The following TSPAN15 variants were observed in gnomAD, a reference collection of about 807,000 sequenced individuals.
TSPAN15 encodes the protein tetraspanin 15, also known as tetraspanin-15.
Under a neutral mutation model 34.5 loss-of-function variants are expected in TSPAN15, and 20 were observed. The observed-to-expected ratio is 0.58, with a 90% CI of 0.41 to 0.84. The LOEUF (loss-of-function observed/expected upper bound fraction) is 0.84, where lower values mean the gene tolerates loss of function less well. TSPAN15 is among the 40% of genes least tolerant of loss of function. The pLI is 0.00. For missense variants in TSPAN15, 313 were observed against 386.1 expected (o/e 0.81, Z 1.59); for synonymous variants, 155 against 153.9 (o/e 1.01, Z -0.05).
intron 1 of TSPAN15, among the ~76,000 whole-genome samples, chr10:69,470,578 C>G (rs12784882): frequency 0.17 from 25,312 of 152,144 alleles, 2,630 homozygotes; most frequent in Non-Finnish European, 0.23. Context: ...ATCTCCCAGT[C>G]TCTTGGCATA....
the TSPAN15 span, among the ~76,000 whole-genome samples, chr10:69,546,361 C>T: frequency 6.6e-6 from 1 of 152,210 alleles, no homozygotes; most frequent in Non-Finnish European, 1.5e-5. Context: ...TTGGCCTTCT[C>T]ATCTGTAACC....
Position 69,507,165 on chromosome 10 carries a change from C to G in TSPAN15, c.*187C>G. 7.0e-7 allele frequency: 1 copy of G among 1,429,898 alleles called. No homozygotes were observed. Among genetic ancestry groups the G allele is most frequent in the Non-Finnish European group, 9.1e-7 (1 of 1,098,870 alleles). 88.6% of individuals were successfully genotyped at this position (1,429,898 alleles called of 1,614,324 possible). Reference sequence around the variant, plus strand: ...CCCAGGGAGCAGAGCCTGGGCCTCCCCTAAGAGGCTTTCCCCGAGGCAGCT... The same window carrying G: ...CCCAGGGAGCAGAGCCTGGGCCTCCGCTAAGAGGCTTTCCCCGAGGCAGCT... On this transcript the variant is annotated 3_prime_UTR_variant, in exon 8 of 8. Transcript: ENST00000373290.
chr10:69,505,932 A>T (rs1842315692), intron 6 of TSPAN15, 192 bp from the exon 7 acceptor site: 4 of 480,558 alleles, frequency 8.3e-6, no homozygotes, highest in Admixed American at 3.4e-5. Flanking sequence ...CGGTGTCCCC[A>T]GTCCTCTCTA....
chr10:69,459,032 G>T (rs1841179512), intron 1 of TSPAN15, among the ~76,000 whole-genome samples: 1 of 149,684 alleles, frequency 6.7e-6, no homozygotes, highest in Non-Finnish European at 1.5e-5. Context: ...GTACCAACTG[G>T]CTCCACACAG....
At chr10:69,523,500 TA>T in the TSPAN15 span, 1 of 503,064 alleles carries the variant, frequency 2.0e-6, no homozygotes, top group Non-Finnish European at 3.8e-6. Context: ...CCAGACTGTG[TA>T]AGAAGTGGTA....
chr10:69,452,190 C>T (rs1298466704), intron 1 of TSPAN15, among the ~76,000 whole-genome samples: 3 of 152,176 alleles, frequency 2.0e-5, no homozygotes, highest in African/African-American at 4.8e-5. Flanking sequence ...GGTGGATGCA[C>T]GTGCCTCCTG....
At chr10:69,495,362 T>C (rs1044990704) in intron 3 of TSPAN15, 29 of 515,234 alleles carry the variant, frequency 5.6e-5, no homozygotes, top group African/African-American at 4.0e-4. Flanking sequence ...TTACTCCTGC[T>C]GGGACATAGC....
At chr10:69,514,717 C>G in the TSPAN15 span, among the ~76,000 whole-genome samples, 69 of 152,046 alleles carry the variant, frequency 4.5e-4, no homozygotes, top group African/African-American at 1.6e-3. Flanking sequence ...CTTTTTTTCT[C>G]TTTTCCCTAA....
At chr10:69,468,518 CT>C (rs555991072) in intron 1 of TSPAN15, among the ~76,000 whole-genome samples, 2,653 of 141,790 alleles carry the variant, frequency 0.019, 53 homozygotes, top group African/African-American at 0.053. Context: ...AGGAAATGGA[CT>C]TTTTTTTTTT....
chr10:69,508,784 G>A (rs1348570599), downstream of TSPAN15, among the ~76,000 whole-genome samples: 1 of 152,204 alleles, frequency 6.6e-6, no homozygotes, highest in East Asian at 1.9e-4. Flanking sequence ...CAGGCAGCTG[G>A]TAAGTGACAA....
In TSPAN15 at chr10:69,506,628, T is replaced by G. The variant is rs555241504; in HGVS notation, c.736-201T>G. Among the ~76,000 whole-genome samples, 6 of 152,228 alleles carry G rather than the reference T, an allele frequency of 3.9e-5. No individual in the cohort carries two copies. Among genetic ancestry groups the G allele is most frequent in the Non-Finnish European group, 8.8e-5 (6 of 67,994 alleles). On this transcript the variant is annotated intron_variant, in intron 7 of 7. Coordinates refer to ENST00000373290, the MANE Select transcript of TSPAN15 (RefSeq NM_012339.5). The surrounding 1 kb of genome is among the most constrained non-coding windows in gnomAD (Gnocchi z 4.7). ...CACAGCGAGGCGCTCTGGGATTTCC[T>G]GGGAAGGGGAGAGGGGGCCCAGGTG...
chr10:69,467,483 A>C (rs1303362189), intron 1 of TSPAN15, among the ~76,000 whole-genome samples: 4 of 152,238 alleles, frequency 2.6e-5, no homozygotes, highest in African/African-American at 7.2e-5. Context: ...GTGTGGTGGC[A>C]TGTGCCTGCA....
At chr10:69,508,817 G>C (rs1366616751), downstream of TSPAN15, among the ~76,000 whole-genome samples, 1 of 152,208 alleles carries the variant, frequency 6.6e-6, no homozygotes, top group East Asian at 1.9e-4. Flanking sequence ...AGCCCAGATA[G>C]GATCTCTTGA....
intron 1 of TSPAN15, among the ~76,000 whole-genome samples, chr10:69,458,885 C>G (rs1301609491): frequency 6.6e-6 from 1 of 152,128 alleles, no homozygotes; most frequent in African/African-American, 2.4e-5. Flanking sequence ...ACCTTGCTGC[C>G]TTTGGGTTGG....
At chr10:69,501,287 AG>A (rs1026839120) in intron 5 of TSPAN15, among the ~76,000 whole-genome samples, 31 of 152,310 alleles carry the variant, frequency 2.0e-4, no homozygotes, top group African/African-American at 7.2e-4. Flanking sequence ...ATCTGCAGAT[AG>A]GGTAGAATCT....
chr10:69,457,034 G>C (rs931980877), intron 1 of TSPAN15, among the ~76,000 whole-genome samples: 5 of 152,200 alleles, frequency 3.3e-5, no homozygotes, highest in African/African-American at 9.6e-5. Context: ...GAGGCACTTA[G>C]AGCCTCCTTT....
At chr10:69,549,118 A>G in the TSPAN15 span, among the ~76,000 whole-genome samples, 3 of 152,154 alleles carry the variant, frequency 2.0e-5, no homozygotes, top group African/African-American at 7.2e-5. Flanking sequence ...AAGAATGACT[A>G]GAAATACACA....
At chr10:69,466,146 A>G (rs1204256575) in intron 1 of TSPAN15, among the ~76,000 whole-genome samples, 2 of 152,246 alleles carry the variant, frequency 1.3e-5, no homozygotes, top group Non-Finnish European at 2.9e-5. Flanking sequence ...GTCCTTCAGA[A>G]ATGCATCCTT....
At position 69,453,290 on chromosome 10, in the gene TSPAN15, A is replaced by G. The variant is rs148676628; in HGVS notation, c.96+1600A>G. On this transcript the variant is annotated intron_variant, in intron 1 of 7. Transcript: ENST00000373290. Reference sequence around the variant, plus strand: ...TGCCCTGGCATAGGTATTTATTTAAATTTACATAAGCTTAATTGTAGTAAA... The same window carrying G: ...TGCCCTGGCATAGGTATTTATTTAAGTTTACATAAGCTTAATTGTAGTAAA... 4.9e-3 allele frequency among the ~76,000 whole-genome samples: 752 copies of G among 152,276 alleles called. 5 individuals are homozygous for G. Among genetic ancestry groups the G allele is most frequent in the African/African-American group, 0.017 (717 of 41,528 alleles).
Sources: gnomAD v4.1 joint callset for allele counts (sites outside exome capture counted in the v4.1 genomes callset) on GRCh38, gnomAD v4.1.1 for gene constraint, Gnocchi (gnomAD v3.1) non-coding constraint, MANE v1.5 for transcripts, NCBI Gene and HGNC (gene_info 2026-07-23, HGNC 2026-07-21) for gene names.